The following SNTG1 variants were observed in gnomAD, a reference collection of about 807,000 sequenced individuals.
The protein encoded by SNTG1 is syntrophin gamma 1.
SNTG1 carries 39 observed loss-of-function variants against 74.7 expected under a neutral mutation model. The observed-to-expected ratio is 0.52, with a 90% CI of 0.40 to 0.68. The LOEUF (loss-of-function observed/expected upper bound fraction) is 0.68. Among genes scored for constraint, SNTG1 ranks in the 30% least tolerant of loss-of-function variants. The pLI, the probability that SNTG1 is intolerant of heterozygous loss-of-function variation, is 0.00. For synonymous variants in SNTG1, 254 were observed against 217.1 expected (o/e 1.17, Z -1.49); for missense variants, 685 against 609.5 (o/e 1.12, Z -1.30).
At chr8:50,363,429 C>A (rs1250053220) in intron 2 of SNTG1, among the ~76,000 whole-genome samples, 2 of 152,118 alleles carry the variant, frequency 1.3e-5, no homozygotes, top group East Asian at 1.9e-4. Context: ...ATCTAGGGAA[C>A]TGCTGGTCAT....
intron 2 of SNTG1, among the ~76,000 whole-genome samples, chr8:50,330,783 G>GAC (rs1381753922): frequency 6.6e-6 from 1 of 152,176 alleles, no homozygotes; most frequent in Non-Finnish European, 1.5e-5. Context: ...TGGCAGGACA[G>GAC]ACAGCATGTG....
rs191328383 is a variant in SNTG1 at position 50,017,208 on chromosome 8, C to T, written c.-103+104977C>T. Among the ~76,000 whole-genome samples, 461 of 152,068 alleles carry T rather than the reference C, an allele frequency of 3.0e-3. 2 individuals are homozygous for T. Among genetic ancestry groups the T allele is most frequent in the South Asian group, 0.02 (95 of 4,820 alleles). On this transcript the variant is annotated intron_variant, in intron 1 of 18. Transcript: ENST00000642720. ...TTCTGTTTGTTACTCATTTCTTGTT[C>T]TATCTCTTTTAAATACAATTGTATA...
intron 17 of SNTG1, among the ~76,000 whole-genome samples, chr8:50,732,065 C>A (rs182390771): frequency 6.6e-6 from 1 of 152,060 alleles, no homozygotes; most frequent in African/African-American, 2.4e-5. Flanking sequence ...AGGATTCATG[C>A]TTCATATTCA....
intron 2 of SNTG1, among the ~76,000 whole-genome samples, chr8:50,332,704 T>G (rs2091010522): frequency 6.6e-6 from 1 of 152,176 alleles, no homozygotes; most frequent in South Asian, 2.1e-4. Context: ...TCTGTAAAAT[T>G]AAAATAAAAG....
intron 12 of SNTG1, among the ~76,000 whole-genome samples, chr8:50,572,338 C>A (rs990091665): frequency 6.6e-6 from 1 of 151,312 alleles, no homozygotes; most frequent in African/African-American, 2.4e-5. Flanking sequence ...ATGAATGATT[C>A]GACACTGAAC....
At chr8:50,111,932 C>A (rs28524672) in intron 1 of SNTG1, among the ~76,000 whole-genome samples, 1,833 of 152,118 alleles carry the variant, frequency 0.012, 43 homozygotes, top group African/African-American at 0.04. Flanking sequence ...AAAAATAATA[C>A]TTTAGGCCAA....
At chr8:50,279,537 T>C (rs1011600334) in intron 2 of SNTG1, among the ~76,000 whole-genome samples, 1 of 152,210 alleles carries the variant, frequency 6.6e-6, no homozygotes, top group Non-Finnish European at 1.5e-5. Flanking sequence ...TATATGTGTT[T>C]ATGTGCATTT....
chr8:50,496,492 A>G (rs1036988422), intron 8 of SNTG1, among the ~76,000 whole-genome samples: 2 of 152,164 alleles, frequency 1.3e-5, no homozygotes, highest in African/African-American at 4.8e-5. Flanking sequence ...GCAGGTAGCT[A>G]AATTCCTCCT....
chr8:50,503,417 A>C (rs1446212269), intron 9 of SNTG1, among the ~76,000 whole-genome samples: 1 of 152,198 alleles, frequency 6.6e-6, no homozygotes, highest in Non-Finnish European at 1.5e-5. Flanking sequence ...TATATGTTTC[A>C]CTGAGACATA....
At chr8:49,984,069 A>G (rs1223858516) in intron 1 of SNTG1, among the ~76,000 whole-genome samples, 1 of 152,226 alleles carries the variant, frequency 6.6e-6, no homozygotes, top group African/African-American at 2.4e-5. Flanking sequence ...ATATTAGATT[A>G]AAAATCCTGT....
intron 2 of SNTG1, among the ~76,000 whole-genome samples, chr8:50,388,558 G>A (rs2092609193): frequency 1.3e-5 from 2 of 152,156 alleles, no homozygotes; most frequent in Admixed American, 1.3e-4. Context: ...TATCAGTCAT[G>A]GTTCTACAGA....
At chr8:50,018,516 G>T (rs1048786217) in intron 1 of SNTG1, among the ~76,000 whole-genome samples, 1 of 151,900 alleles carries the variant, frequency 6.6e-6, no homozygotes, top group Admixed American at 6.6e-5. Context: ...ATGAATGTAA[G>T]ATCTAAAGTA....
At position 50,081,794 on chromosome 8, in the gene SNTG1, C is replaced by T. The variant is rs139126184; in HGVS notation, c.-102-90767C>T. The stretch of plus-strand genomic sequence containing the variant: ...GACTACAGGCTCATGCCACCACATC[C>T]GACTAATTTTGTATTTTTAGTAGAG... On this transcript the variant is annotated intron_variant, in intron 1 of 18. Transcript: ENST00000642720. Among the ~76,000 whole-genome samples the T allele has an allele frequency of 2.4e-4, 37 of 152,058 alleles. 1 individual carries two copies. In the East Asian group the frequency reaches 6.4e-3, roughly 26 times the overall value.
chr8:50,366,915 T>TA (rs1170049076), intron 2 of SNTG1, among the ~76,000 whole-genome samples: 3 of 146,726 alleles, frequency 2.0e-5, no homozygotes, highest in African/African-American at 7.4e-5. Context: ...TAATATAGTA[T>TA]AGGTCTATAC....
At chr8:50,489,613 G>A (rs1342475775) in intron 8 of SNTG1, among the ~76,000 whole-genome samples, 1 of 152,134 alleles carries the variant, frequency 6.6e-6, no homozygotes, top group African/African-American at 2.4e-5. Flanking sequence ...CCCACTTTTT[G>A]ATGGAGTTGT....
chr8:50,699,010 G>C, intron 15 of SNTG1, among the ~76,000 whole-genome samples: 1 of 152,220 alleles, frequency 6.6e-6, no homozygotes, highest in East Asian at 1.9e-4. Flanking sequence ...GAACTCCTGT[G>C]TTCTCTCTTG....
upstream of SNTG1, among the ~76,000 whole-genome samples, chr8:49,910,190 G>C (rs544853686): frequency 6.6e-6 from 1 of 152,304 alleles, no homozygotes; most frequent in East Asian, 1.9e-4. Flanking sequence ...TGTCAGAACA[G>C]GAAGAAGAAC....
At chr8:50,719,270 C>G (rs1007599163) in intron 17 of SNTG1, among the ~76,000 whole-genome samples, 1 of 152,174 alleles carries the variant, frequency 6.6e-6, no homozygotes, top group Non-Finnish European at 1.5e-5. Context: ...GTGATTAAGT[C>G]ATGTGGCTCT....
intron 1 of SNTG1, among the ~76,000 whole-genome samples, chr8:50,156,876 T>C (rs1005491688): frequency 2.6e-5 from 4 of 152,110 alleles, no homozygotes; most frequent in African/African-American, 7.2e-5. Context: ...CAATACCAAG[T>C]GTTGTTAAGG....
Sources: gnomAD v4.1 joint callset for allele counts (sites outside exome capture counted in the v4.1 genomes callset) on GRCh38, gnomAD v4.1.1 for gene constraint, MANE v1.5 for transcripts, NCBI Gene and HGNC (gene_info 2026-07-23, HGNC 2026-07-21) for gene names.